The following RAB7A variants were observed in gnomAD, a reference collection of about 807,000 sequenced individuals.
RAB7A encodes RAB7A, member RAS oncogene family, also known as ras-related protein Rab-7a.
In RAB7A, 2 loss-of-function variants were observed where a neutral mutation model predicts 24.5. The ratio of observed to expected loss-of-function variants is 0.08; its 90% CI spans 0.03 to 0.26. RAB7A has a LOEUF of 0.26. RAB7A is among the 10% of genes least tolerant of loss of function. The pLI is 1.00. For synonymous variants in RAB7A, 100 were observed against 95.9 expected (o/e 1.04, Z -0.25); for missense variants, 118 against 255.7 (o/e 0.46, Z 3.67).
At chr3:128,763,339 C>T (rs945717878) in intron 1 of RAB7A, among the ~76,000 whole-genome samples, 3 of 150,752 alleles carry the variant, frequency 2.0e-5, no homozygotes, top group South Asian at 2.1e-4. Context: ...CTCAGCCTCC[C>T]GAGTAGCTGG....
chr3:128,744,455 C>G (rs999851626), intron 1 of RAB7A, among the ~76,000 whole-genome samples: 9 of 152,140 alleles, frequency 5.9e-5, no homozygotes, highest in Non-Finnish European at 1.0e-4. Context: ...AAATATGATA[C>G]ATTATTATTT....
chr3:128,741,029 ATG>A (rs1327446245), intron 1 of RAB7A, among the ~76,000 whole-genome samples: 2 of 151,654 alleles, frequency 1.3e-5, no homozygotes, highest in Non-Finnish European at 2.9e-5. Context: ...TGTATAATAA[ATG>A]TAGAAAAAAT....
At chr3:128,729,135 T>A (rs1482754546) in intron 1 of RAB7A, among the ~76,000 whole-genome samples, 2 of 150,976 alleles carry the variant, frequency 1.3e-5, no homozygotes, top group Admixed American at 6.6e-5. Context: ...TTTTTTAAAA[T>A]TTTTTTTTAG....
chr3:128,757,137 A>G (rs1265641865), intron 1 of RAB7A, among the ~76,000 whole-genome samples: 2 of 151,860 alleles, frequency 1.3e-5, no homozygotes, highest in African/African-American at 4.8e-5. Context: ...GAGCCACCAC[A>G]CCTGGCCCAG....
At position 128,764,638 on chromosome 3, in the gene RAB7A, T is replaced by A. The variant is rs1314643194; in HGVS notation, c.-8-30722T>A. On this transcript the variant is annotated intron_variant, in intron 1 of 5. Coordinates refer to ENST00000265062, the MANE Select transcript of RAB7A (RefSeq NM_004637.6). Reference sequence around the variant, plus strand: ...CTCAATGAAGTCACACAAATGGGGGTCATTTTTGTCAGTGGCTAGTTTGTG... The same window carrying A: ...CTCAATGAAGTCACACAAATGGGGGACATTTTTGTCAGTGGCTAGTTTGTG... The A allele has an allele frequency of 4.8e-6, 5 of 1,046,798 alleles. No individual in the cohort carries two copies. In the Admixed American group the frequency reaches 6.7e-5, roughly 14 times the overall value. 64.8% of individuals were successfully genotyped at this position (1,046,798 alleles called of 1,614,324 possible). A position where few individuals can be genotyped will look rare whatever the true frequency, so the allele number is the denominator to read the frequency against.
chr3:128,793,724 T>C (rs1203383499), intron 1 of RAB7A, among the ~76,000 whole-genome samples: 2 of 152,222 alleles, frequency 1.3e-5, no homozygotes, highest in Non-Finnish European at 2.9e-5. Context: ...CTCTCAGTGC[T>C]GATTATGATG....
intron 2 of RAB7A, among the ~76,000 whole-genome samples, chr3:128,796,707 A>G (rs2107611614): frequency 6.6e-6 from 1 of 152,248 alleles, no homozygotes; most frequent in South Asian, 2.1e-4. Flanking sequence ...TCTGTTGCCC[A>G]GACTAAAGTG....
intron 1 of RAB7A, among the ~76,000 whole-genome samples, chr3:128,762,187 G>T (rs1402705093): frequency 2.0e-5 from 3 of 152,196 alleles, no homozygotes; most frequent in Non-Finnish European, 4.4e-5. Flanking sequence ...AGGGGAAATT[G>T]TGCTGGCAGT....
chr3:128,733,817 G>C (rs531555497), intron 1 of RAB7A, among the ~76,000 whole-genome samples: 3 of 152,312 alleles, frequency 2.0e-5, no homozygotes, highest in South Asian at 4.1e-4. Context: ...AAAAATTTTA[G>C]GTGGACACAG....
chr3:128,776,890 T>G (rs1187396022), intron 1 of RAB7A, among the ~76,000 whole-genome samples: 10 of 151,768 alleles, frequency 6.6e-5, no homozygotes, highest in African/African-American at 2.4e-4. Flanking sequence ...CTAACGGGTG[T>G]GAGGTGGTAT....
intron 1 of RAB7A, among the ~76,000 whole-genome samples, chr3:128,782,856 G>T (rs886779858): frequency 6.6e-6 from 1 of 152,160 alleles, no homozygotes; most frequent in Non-Finnish European, 1.5e-5. Flanking sequence ...CTGCTTCAGA[G>T]AATTCTCCTT....
intron 1 of RAB7A, among the ~76,000 whole-genome samples, chr3:128,759,137 A>G (rs2070756404): frequency 6.6e-6 from 1 of 152,330 alleles, no homozygotes; most frequent in African/African-American, 2.4e-5. Flanking sequence ...CTGGCCATGA[A>G]ATATGGTTTC....
intron 1 of RAB7A, among the ~76,000 whole-genome samples, chr3:128,745,969 A>G (rs1045122089): frequency 1.3e-5 from 2 of 152,228 alleles, no homozygotes; most frequent in Admixed American, 6.5e-5. Flanking sequence ...ATTTAAGTCC[A>G]TGCTTGGCTG....
chr3:128,769,190 G>A (rs2070861796), intron 1 of RAB7A, among the ~76,000 whole-genome samples: 1 of 151,218 alleles, frequency 6.6e-6, no homozygotes, highest in Non-Finnish European at 1.5e-5. Flanking sequence ...CACCACACCC[G>A]GCCCAGAACA....
intron 1 of RAB7A, among the ~76,000 whole-genome samples, chr3:128,758,320 T>C (rs1242974717): frequency 3.3e-5 from 5 of 149,312 alleles, no homozygotes; most frequent in Admixed American, 6.7e-5. Flanking sequence ...TCGCCCAGGC[T>C]GGAGTGCAGT....
At position 128,798,077 on chromosome 3, in the gene RAB7A, C is replaced by T; in HGVS notation, c.180+8C>T. ...AGGCTAGTCACAATGCAGGTAAGCA[C>T]ATGTCTTGGCTGTGCTGACCAGGCC... On this transcript the variant is annotated splice_region_variant and intron_variant, in intron 3 of 5. Coordinates refer to ENST00000265062, the MANE Select transcript of RAB7A (RefSeq NM_004637.6). 1 of 1,613,872 alleles carries T rather than the reference C, an allele frequency of 6.2e-7. No homozygotes were observed. Among genetic ancestry groups the T allele is most frequent in the Non-Finnish European group, 8.5e-7 (1 of 1,179,810 alleles).
At chr3:128,773,459 C>T (rs1314151608) in intron 1 of RAB7A, among the ~76,000 whole-genome samples, 1 of 144,804 alleles carries the variant, frequency 6.9e-6, no homozygotes, top group Non-Finnish European at 1.6e-5. Context: ...CCGCCCCGTC[C>T]GGGAGGGAGG....
intron 1 of RAB7A, among the ~76,000 whole-genome samples, chr3:128,761,154 G>A (rs1453726918): frequency 1.3e-5 from 2 of 152,036 alleles, no homozygotes; most frequent in Admixed American, 6.6e-5. Flanking sequence ...TAAAATTCTG[G>A]CCTGTATTCT....
chr3:128,760,221 C>T (rs1016732831), intron 1 of RAB7A, among the ~76,000 whole-genome samples: 7 of 152,082 alleles, frequency 4.6e-5, no homozygotes, highest in Non-Finnish European at 7.3e-5. Flanking sequence ...TCCGCCTGAC[C>T]GTGCTTGAGA....
Sources: gnomAD v4.1 joint callset for allele counts (sites outside exome capture counted in the v4.1 genomes callset) on GRCh38, gnomAD v4.1.1 for gene constraint, MANE v1.5 for transcripts, NCBI Gene and HGNC (gene_info 2026-07-23, HGNC 2026-07-21) for gene names.